Variants in CR1 observed in about 807,000 individuals in gnomAD.
The protein encoded by CR1 is complement receptor type 1.
A neutral mutation model predicts 187.3 loss-of-function variants in CR1; 116 were observed. The ratio of observed to expected loss-of-function variants is 0.62; its 90% confidence interval spans 0.53 to 0.72. CR1 has a LOEUF of 0.72. CR1 is among the 30% of genes least tolerant of loss of function. The pLI is 0.00. For missense variants in CR1, 1,731 were observed against 2,110.7 expected (o/e 0.82, Z 3.52); for synonymous variants, 576 against 747.1 (o/e 0.77, Z 3.73).
intron 29 of CR1, among the ~76,000 whole-genome samples, chr1:207,578,532 G>A (rs988437129): frequency 6.6e-6 from 1 of 152,210 alleles, no homozygotes; most frequent in Non-Finnish European, 1.5e-5. Context: ...TATGTGCTAA[G>A]CACTTTATAT....
chr1:207,591,238 C>T (rs1245572444), intron 35 of CR1, among the ~76,000 whole-genome samples: 2 of 152,190 alleles, frequency 1.3e-5, no homozygotes, highest in Admixed American at 1.3e-4. Context: ...GAATGGAAAT[C>T]ATAACAAACA....
At chr1:207,586,851 T>G (rs74820161) in intron 33 of CR1, among the ~76,000 whole-genome samples, 2,856 of 152,348 alleles carry the variant, frequency 0.019, 98 homozygotes, top group African/African-American at 0.066. Flanking sequence ...CTAATCTTAA[T>G]TCTATCTGAA....
chr1:207,614,871 G>A (rs1662048320), intron 40 of CR1, among the ~76,000 whole-genome samples: 1 of 152,106 alleles, frequency 6.6e-6, no homozygotes, highest in Admixed American at 6.6e-5. Flanking sequence ...GTGGAGTGGT[G>A]CAATCACAGC....
chr1:207,526,242 GA>G (rs1660166786), intron 5 of CR1, among the ~76,000 whole-genome samples: 1 of 152,130 alleles, frequency 6.6e-6, no homozygotes, highest in African/African-American at 2.4e-5. Context: ...GGTGGCCGCT[GA>G]GAGAAGACTT....
intron 42 of CR1, 85 bp downstream of exon 42, chr1:207,618,332 C>T: frequency 8.0e-7 from 1 of 1,251,002 alleles, no homozygotes; most frequent in African/African-American, 1.5e-5. Flanking sequence ...TTGAAATGAG[C>T]TTAATGAAAG....
rs559114614 is a variant in CR1 at position 207,640,717 on chromosome 1, G to A, written c.*1308G>A. ...AATGTGTTATGATATTATGGGCCAT[G>A]CTAATGACCTCTAGAAAACATCAGA... On this transcript the variant is annotated 3_prime_UTR_variant, in exon 47 of 47. Coordinates refer to ENST00000367049, the MANE Select transcript of CR1 (RefSeq NM_000651.6). The A allele has an allele frequency of 6.6e-6, 1 of 152,304 alleles. No individual in the cohort carries two copies. The highest frequency in any genetic ancestry group is 2.1e-4 in the South Asian group (1 of 4,828). The allele number at this position is 152,304 out of a possible 1,614,324, so 9.4% of individuals were successfully genotyped here.
chr1:207,639,736 A>T lies in CR1; in HGVS notation c.*327A>T, dbSNP rs1662924651. On this transcript the variant is annotated 3_prime_UTR_variant, in exon 47 of 47. Coordinates refer to ENST00000367049, the MANE Select transcript of CR1 (RefSeq NM_000651.6). ...GTGTTGCCTGGAATTTCTGGTTTGTAAGGTGGTCACTGTTCTTTTTTAAAA... is the reference window on the plus strand; with the variant it reads ...GTGTTGCCTGGAATTTCTGGTTTGTTAGGTGGTCACTGTTCTTTTTTAAAA... 1 of 223,684 alleles carries T rather than the reference A, an allele frequency of 4.5e-6. No individual in the cohort carries two copies. Among genetic ancestry groups the T allele is most frequent in the Non-Finnish European group, 8.7e-6 (1 of 114,934 alleles). The allele number at this position is 223,684 out of a possible 1,614,324, so 13.9% of individuals were successfully genotyped here.
At chr1:207,574,401 C>G (rs891759126) in intron 27 of CR1, among the ~76,000 whole-genome samples, 1 of 152,154 alleles carries the variant, frequency 6.6e-6, no homozygotes, top group Non-Finnish European at 1.5e-5. Context: ...AGCTAATATT[C>G]ACACCTAGAG....
intron 4 of CR1, among the ~76,000 whole-genome samples, chr1:207,519,129 A>G (rs1309057595): frequency 5.9e-5 from 9 of 152,132 alleles, no homozygotes; most frequent in Non-Finnish European, 5.9e-5. Context: ...TAATACAGCT[A>G]TATAAGCTTT....
intron 5 of CR1, 50 bp downstream of exon 5, chr1:207,524,059 GTTGGATCAGGAGA>G (rs1660088387): frequency 6.8e-6 from 11 of 1,611,738 alleles, no homozygotes; most frequent in Non-Finnish European, 9.3e-6. Flanking sequence ...ATGCGTTGCT[GTTGGATCAGGAGA>G]TTAGTATTTG....
At chr1:207,631,172 G>A (rs749609348) in intron 46 of CR1, among the ~76,000 whole-genome samples, 1 of 152,116 alleles carries the variant, frequency 6.6e-6, no homozygotes, top group Non-Finnish European at 1.5e-5. Context: ...ACTGCAAGCT[G>A]TTGTGCAGTA....
At chr1:207,502,827 TCTC>T (rs1376624185) in intron 1 of CR1, among the ~76,000 whole-genome samples, 1 of 152,140 alleles carries the variant, frequency 6.6e-6, no homozygotes, top group Non-Finnish European at 1.5e-5. Context: ...CCTTAGGAAT[TCTC>T]CTCTCTGTCC....
chr1:207,577,737 C>A, intron 28 of CR1, 68 bp from the exon 29 acceptor site: 4 of 1,592,584 alleles, frequency 2.5e-6, no homozygotes, highest in Middle Eastern at 4.1e-4. Flanking sequence ...CCACTGCACT[C>A]CAGCCTGGGT....
intron 4 of CR1, among the ~76,000 whole-genome samples, chr1:207,513,796 C>CTTCCTTCA (rs1659702271): frequency 7.6e-6 from 1 of 130,830 alleles, no homozygotes; most frequent in Non-Finnish European, 1.6e-5. Flanking sequence ...TCCTTCCTTC[C>CTTCCTTCA]TTCCTTCCTT....
chr1:207,522,636 A>G (rs995276893), intron 4 of CR1, among the ~76,000 whole-genome samples: 1 of 152,228 alleles, frequency 6.6e-6, no homozygotes, highest in Non-Finnish European at 1.5e-5. Flanking sequence ...ATGCTTTAAC[A>G]GATAAATATT....
chr1:207,617,368 G>C (rs55724061), intron 41 of CR1, among the ~76,000 whole-genome samples: 9 of 150,234 alleles, frequency 6.0e-5, no homozygotes, highest in African/African-American at 2.2e-4. Context: ...GGAGGCCCTG[G>C]AGAAGCAGAG....
At chr1:207,573,899 A>G (rs1660653645) in intron 27 of CR1, among the ~76,000 whole-genome samples, 1 of 152,212 alleles carries the variant, frequency 6.6e-6, no homozygotes, top group Non-Finnish European at 1.5e-5. Flanking sequence ...TGAGAGGCTG[A>G]GGCAAGAGTA....
intron 43 of CR1, among the ~76,000 whole-genome samples, chr1:207,620,993 G>A (rs939348984): frequency 1.3e-5 from 2 of 152,194 alleles, no homozygotes; most frequent in African/African-American, 4.8e-5. Context: ...AAATAAAGGG[G>A]CCAGGTATGG....
intron 39 of CR1, among the ~76,000 whole-genome samples, chr1:207,614,053 C>T (rs1321405476): frequency 2.0e-5 from 3 of 152,160 alleles, no homozygotes; most frequent in Non-Finnish European, 4.4e-5. Context: ...AAAGATGACA[C>T]CTGAAGGTTA....
Sources: gnomAD v4.1 joint callset for allele counts (sites outside exome capture counted in the v4.1 genomes callset) on GRCh38, gnomAD v4.1.1 for gene constraint, MANE v1.5 for transcripts, NCBI Gene and HGNC (gene_info 2026-07-23, HGNC 2026-07-21) for gene names.